TUBGCP5: variants seen among roughly 807,000 people sequenced by gnomAD.
The protein encoded by TUBGCP5 is gamma-tubulin complex component 5.
Under a neutral mutation model 134.7 loss-of-function variants are expected in TUBGCP5, and 98 were observed. That is an observed-to-expected ratio of 0.73 (90% CI 0.62 to 0.86). TUBGCP5 has a LOEUF of 0.86. Among genes scored for constraint, TUBGCP5 ranks in the 40% least tolerant of loss-of-function variants. TUBGCP5 has a pLI of 0.00. For synonymous variants in TUBGCP5, 456 were observed against 431.4 expected, an observed-to-expected ratio of 1.06 and a Z score of -0.71; for missense variants, 1,150 against 1,244.8, an observed-to-expected ratio of 0.92 and a Z score of 1.15.
chr15:23,006,051 C>T lies in TUBGCP5; in HGVS notation c.2533+1G>A. On this transcript the variant is annotated splice_donor_variant, in intron 18 of 22. Coordinates refer to ENST00000615383, the MANE Select transcript of TUBGCP5 (RefSeq NM_052903.6). LOFTEE classifies it high-confidence loss of function. ...ATTTATCTGCTGAAAACAAATCTTA[C>T]CACCAAAAAGTAAAACATCCAGACT... 1 of 1,589,378 alleles carries T rather than the reference C, an allele frequency of 6.3e-7. No homozygotes were observed. Among genetic ancestry groups the T allele is most frequent in the Non-Finnish European group, 8.5e-7 (1 of 1,173,794 alleles).
chr15:22,997,101 A>G (rs2064120329), downstream of TUBGCP5: 1 of 152,068 alleles, frequency 6.6e-6, no homozygotes, highest in Admixed American at 6.6e-5. Context: ...CTAAGGGGAA[A>G]TGTTCTCTCC....
intron 11 of TUBGCP5, among the ~76,000 whole-genome samples, chr15:23,021,062 T>C (rs565197569): frequency 4.1e-4 from 62 of 152,316 alleles, no homozygotes; most frequent in African/African-American, 1.5e-3. Flanking sequence ...CTAATGTTTG[T>C]ATTTTTAGTA....
At chr15:23,011,060 GAAAT>G in intron 14 of TUBGCP5, 69 bp downstream of exon 14, 1 of 1,495,594 alleles carries the variant, frequency 6.7e-7, no homozygotes, top group Admixed American at 1.7e-5. Flanking sequence ...CTACCTGCCA[GAAAT>G]AAACAGTTAG....
At chr15:22,994,943 A>G (rs1388159621), downstream of TUBGCP5, among the ~76,000 whole-genome samples, 1 of 151,958 alleles carries the variant, frequency 6.6e-6, no homozygotes, top group Non-Finnish European at 1.5e-5. Context: ...GCGAGACCCC[A>G]TCTATATTTT....
intron 11 of TUBGCP5, among the ~76,000 whole-genome samples, chr15:23,021,476 C>T (rs2065690923): frequency 6.6e-6 from 1 of 152,192 alleles, no homozygotes; most frequent in Non-Finnish European, 1.5e-5. Context: ...GCCACTGTGC[C>T]TGACCCTCAG....
rs2066792081 is a variant in TUBGCP5 at position 23,039,385 on chromosome 15, C to T, written c.146+13G>A. On this transcript the variant is annotated intron_variant, in intron 1 of 22. Coordinates refer to ENST00000615383, the MANE Select transcript of TUBGCP5 (RefSeq NM_052903.6). The stretch of plus-strand genomic sequence containing the variant: ...CTGTGGCCGGGAACCCGCCCGCGCG[C>T]CGTGCCCCACACCTGAAGTTGGACC... The T allele has an allele frequency of 7.0e-7, 1 of 1,434,608 alleles. No homozygotes were observed. Among genetic ancestry groups the T allele is most frequent in the Non-Finnish European group, 9.2e-7 (1 of 1,081,604 alleles). 88.9% of individuals were successfully genotyped at this position (1,434,608 alleles called of 1,614,324 possible).
chr15:23,034,568 A>G (rs543001965), intron 3 of TUBGCP5, among the ~76,000 whole-genome samples: 2 of 152,178 alleles, frequency 1.3e-5, no homozygotes, highest in African/African-American at 4.8e-5. Context: ...GCTTGAAAAT[A>G]TATCAACAGA....
At chr15:23,038,065 A>G (rs2066700292) in intron 1 of TUBGCP5, among the ~76,000 whole-genome samples, 1 of 152,234 alleles carries the variant, frequency 6.6e-6, no homozygotes, top group Non-Finnish European at 1.5e-5. Context: ...CGCCCAGTCC[A>G]CAATTTTCAA....
intron 23 of TUBGCP5, among the ~76,000 whole-genome samples, chr15:22,989,744 A>G (rs757625755): frequency 1.3e-5 from 2 of 152,132 alleles, no homozygotes; most frequent in South Asian, 2.1e-4. Flanking sequence ...CTCAGCTGCT[A>G]TATTTGTACA....
intron 3 of TUBGCP5, among the ~76,000 whole-genome samples, chr15:23,035,555 G>T (rs1479559269): frequency 6.6e-6 from 1 of 152,094 alleles, no homozygotes; most frequent in African/African-American, 2.4e-5. Context: ...AATGGGGTTT[G>T]CTCTCCTATG....
chr15:23,035,903 G>C (rs1401675210), intron 3 of TUBGCP5, among the ~76,000 whole-genome samples: 1 of 152,176 alleles, frequency 6.6e-6, no homozygotes, highest in East Asian at 1.9e-4. Context: ...CAGACACAGA[G>C]CCCTATGCCT....
At chr15:23,029,103 T>C (rs187146604) in intron 6 of TUBGCP5, among the ~76,000 whole-genome samples, 144 of 152,292 alleles carry the variant, frequency 9.5e-4, no homozygotes, top group Non-Finnish European at 1.4e-3. Context: ...CAAACTCTAG[T>C]AAAAGATAAA....
At chr15:23,004,290 C>CA in intron 19 of TUBGCP5, 63 bp from the exon 20 acceptor site, 2 of 1,572,896 alleles carry the variant, frequency 1.3e-6, no homozygotes, top group Non-Finnish European at 1.7e-6. Flanking sequence ...GTGCTGCACA[C>CA]AAATCTTTTT....
At chr15:22,998,338 C>CAA (rs2064191283), downstream of TUBGCP5, among the ~76,000 whole-genome samples, 1 of 152,062 alleles carries the variant, frequency 6.6e-6, no homozygotes, top group South Asian at 2.1e-4. Flanking sequence ...AAATACCAAA[C>CAA]AATAGTATGT....
downstream of TUBGCP5, among the ~76,000 whole-genome samples, chr15:22,995,912 T>TC (rs1201882764): frequency 1.3e-5 from 2 of 152,208 alleles, no homozygotes; most frequent in African/African-American, 4.8e-5. Flanking sequence ...GGCTTTTTTT[T>TC]CGACATAAAG....
intron 6 of TUBGCP5, among the ~76,000 whole-genome samples, chr15:23,029,763 C>A (rs1409873243): frequency 3.3e-5 from 5 of 151,634 alleles, no homozygotes; most frequent in Non-Finnish European, 5.9e-5. Context: ...CGCCTGTAAC[C>A]CCAGCTACTC....
intron 4 of TUBGCP5, 51 bp from the exon 5 acceptor site, chr15:23,032,080 A>C: frequency 7.2e-7 from 1 of 1,391,790 alleles, no homozygotes. Context: ...TATCTTTGAA[A>C]AAAAACCTCA....
chr15:23,027,616 G>T (rs951693545), intron 6 of TUBGCP5, among the ~76,000 whole-genome samples: 1 of 151,722 alleles, frequency 6.6e-6, no homozygotes, highest in Non-Finnish European at 1.5e-5. Context: ...ATTAGCCAGG[G>T]ATGGTGGCAT....
chr15:23,032,525 G>C (rs191224641), intron 4 of TUBGCP5, among the ~76,000 whole-genome samples: 3 of 152,208 alleles, frequency 2.0e-5, no homozygotes, highest in Non-Finnish European at 4.4e-5. Flanking sequence ...GTAGTTGATT[G>C]AATCTGTGGG....
Sources: gnomAD v4.1 joint callset for allele counts (sites outside exome capture counted in the v4.1 genomes callset) on GRCh38, gnomAD v4.1.1 for gene constraint, MANE v1.5 for transcripts, NCBI Gene and HGNC (gene_info 2026-07-23, HGNC 2026-07-21) for gene names.